IMPA2: variants seen among roughly 807,000 people sequenced by gnomAD.
IMPA2 encodes IMP 2.
IMPA2 carries 32 observed loss-of-function variants against 35.1 expected under a neutral mutation model. That is an observed-to-expected ratio of 0.91 (90% confidence interval 0.69 to 1.23). The LOEUF (loss-of-function observed/expected upper bound fraction) is 1.23. Ranked by LOEUF, IMPA2 falls within the 50% of genes most tolerant of loss-of-function variation. The pLI, the probability that IMPA2 is intolerant of heterozygous loss-of-function variation, is 0.00. For missense variants in IMPA2, 334 were observed against 387.6 expected, an observed-to-expected ratio of 0.86 and a Z score of 1.16; for synonymous variants, 135 against 160.6, an observed-to-expected ratio of 0.84 and a Z score of 1.20.
intron 1 of IMPA2, chr18:11,994,879 G>A (rs2143785147): frequency 6.5e-6 from 1 of 152,784 alleles, no homozygotes; most frequent in East Asian, 1.9e-4. Flanking sequence ...GTCACAGTTG[G>A]GTGAGTGCCC....
At chr18:12,008,779 C>T (rs920555850) in intron 2 of IMPA2, among the ~76,000 whole-genome samples, 4 of 152,172 alleles carry the variant, frequency 2.6e-5, no homozygotes, top group African/African-American at 9.7e-5. Flanking sequence ...CAGGAGTTCC[C>T]TTCTGTGCAG....
At chr18:11,981,802 G>A (rs1906507283) in intron 1 of IMPA2, 37 bp downstream of exon 1, 3 of 1,200,284 alleles carry the variant, frequency 2.5e-6, no homozygotes, top group Non-Finnish European at 3.1e-6. Context: ...TCCGGGCGGA[G>A]CAGAAGCGCG....
chr18:12,017,945 GT>G (rs35186161), intron 5 of IMPA2: 109,146 of 152,826 alleles, frequency 0.71, 39,232 homozygotes, highest in Non-Finnish European at 0.79. Flanking sequence ...TTTTTTTTCT[GT>G]TTTTTTTTTT....
chr18:12,012,183 G>C lies in IMPA2; in HGVS notation c.349G>C (p.Ala117Pro), dbSNP rs559771325. 1 of 1,614,216 alleles carries C rather than the reference G, an allele frequency of 6.2e-7. No individual in the cohort carries two copies. The highest frequency in any genetic ancestry group is 1.3e-5 in the African/African-American group (1 of 75,074). Residue 117 changes from alanine to proline, a missense_variant, in exon 4 of 8, where the codon GCG becomes CCG. Transcript: ENST00000269159. ...CNFVHRFPTVAVSIGFAVRQE... is the reference protein window; with the variant it reads ...CNFVHRFPTVPVSIGFAVRQE... ...TTTCCTTTGCAGATTCCCGACTGTG[G>C]CGGTTAGCATTGGATTTGCTGTTCG... is the stretch of plus-strand genomic sequence containing the variant.
At chr18:12,014,442 C>A in intron 5 of IMPA2, 69 bp downstream of exon 5, 1 of 956,850 alleles carries the variant, frequency 1.0e-6, no homozygotes, top group Non-Finnish European at 1.5e-6. Flanking sequence ...GCCAAAGCCA[C>A]CATGATGTGG....
chr18:11,997,238 C>A (rs549723724), intron 1 of IMPA2, among the ~76,000 whole-genome samples: 34 of 152,308 alleles, frequency 2.2e-4, no homozygotes, highest in African/African-American at 7.7e-4. Context: ...ACAGACAAGG[C>A]CTGTGGAGCT....
At position 12,030,508 on chromosome 18, in the gene IMPA2, C is replaced by T. The variant is rs755832138; in HGVS notation, c.*50C>T. On this transcript the variant is annotated 3_prime_UTR_variant, in exon 8 of 8. Transcript: ENST00000269159. ...CAAGGCCTCCCTGGGCTGCTGTGGG[C>T]TCCTGGGGAGGTGGCCCTCGTGGCC... The T allele has an allele frequency of 2.9e-5, 44 of 1,493,084 alleles. No individual in the cohort carries two copies. The highest frequency in any genetic ancestry group is 4.1e-5 in the Non-Finnish European group (44 of 1,071,310). The allele number at this position is 1,493,084 out of a possible 1,614,324, so 92.5% of individuals were successfully genotyped here.
chr18:12,017,802 G>T (rs1368685353), intron 5 of IMPA2: 9 of 337,398 alleles, frequency 2.7e-5, no homozygotes, highest in Non-Finnish European at 5.2e-5. Flanking sequence ...ATGTTGGCCA[G>T]GCTGGTCTCA....
chr18:12,012,517 G>A (rs16976957), intron 4 of IMPA2, among the ~76,000 whole-genome samples: 16,757 of 152,248 alleles, frequency 0.11, 1,453 homozygotes, highest in East Asian at 0.44. Flanking sequence ...CGGTCCAAGT[G>A]CATCTCCAGC....
chr18:12,030,404 G>C lies in IMPA2; in HGVS notation c.813G>C (p.Met271Ile), dbSNP rs1343700501. Residue 271 changes from methionine (M) to isoleucine (I), a missense_variant, in exon 8 of 8, where the codon ATG (methionine) becomes ATC (isoleucine). Transcript: ENST00000269159. ...VVAASTREMA[M>I]LIAQALQTIN... ...CGGCCAGCACCCGGGAGATGGCGAT[G>C]CTCATAGCTCAGGCCTTACAGACGA... 1 of 1,614,244 alleles carries C rather than the reference G, an allele frequency of 6.2e-7. No homozygotes were observed. The highest frequency in any genetic ancestry group is 8.5e-7 in the Non-Finnish European group (1 of 1,180,048).
intron 2 of IMPA2, among the ~76,000 whole-genome samples, chr18:12,006,993 T>TG (rs1276962346): frequency 3.9e-5 from 6 of 152,120 alleles, no homozygotes; most frequent in Non-Finnish European, 5.9e-5. Flanking sequence ...TAGCCAGGCG[T>TG]GTGGCGCACG....
intron 5 of IMPA2, among the ~76,000 whole-genome samples, chr18:12,023,732 T>C (rs1239618256): frequency 6.6e-6 from 1 of 152,176 alleles, no homozygotes; most frequent in Non-Finnish European, 1.5e-5. Flanking sequence ...CCAGGGTCAT[T>C]AACACTGGTG....
chr18:11,997,207 C>T (rs1489303108), intron 1 of IMPA2, among the ~76,000 whole-genome samples: 1 of 152,182 alleles, frequency 6.6e-6, no homozygotes, highest in East Asian at 1.9e-4. Context: ...ACGGGAGCCA[C>T]ATGTGAGGAG....
chr18:12,013,748 C>G (rs756548127), intron 4 of IMPA2, among the ~76,000 whole-genome samples: 50 of 152,178 alleles, frequency 3.3e-4, no homozygotes, highest in Non-Finnish European at 6.2e-4. Context: ...GGCCACTGTT[C>G]AGCGCACTGC....
intron 2 of IMPA2, among the ~76,000 whole-genome samples, chr18:11,999,481 A>T (rs1391199817): frequency 6.6e-6 from 1 of 152,212 alleles, no homozygotes; most frequent in African/African-American, 2.4e-5. Flanking sequence ...CCCTGTACTC[A>T]ACCATTTGTT....
At chr18:12,007,676 T>TTTC (rs1568032979) in intron 2 of IMPA2, among the ~76,000 whole-genome samples, 2 of 111,270 alleles carry the variant, frequency 1.8e-5, no homozygotes, top group Non-Finnish European at 3.8e-5. Context: ...TCTTTCTTTC[T>TTTC]TTCCTTTCTT....
chr18:11,998,456 G>A (rs948211203), intron 1 of IMPA2, among the ~76,000 whole-genome samples: 2 of 152,234 alleles, frequency 1.3e-5, no homozygotes, highest in Non-Finnish European at 2.9e-5. Context: ...CCAGCCCAGA[G>A]CGCAGTGAGA....
chr18:12,025,692 G>A (rs1907863079), intron 5 of IMPA2, among the ~76,000 whole-genome samples: 2 of 152,196 alleles, frequency 1.3e-5, no homozygotes, highest in Admixed American at 1.3e-4. Context: ...CGATTCTCCT[G>A]CCTCAGCCTC....
intron 7 of IMPA2, 83 bp downstream of exon 7, chr18:12,029,076 C>T (rs13381924): frequency 0.039 from 34,420 of 890,272 alleles, 2,869 homozygotes; most frequent in African/African-American, 0.3. Context: ...AAGTCCCCAC[C>T]AACTGAATTT....
Sources: gnomAD v4.1 joint callset for allele counts (sites outside exome capture counted in the v4.1 genomes callset) on GRCh38, gnomAD v4.1.1 for gene constraint, MANE v1.5 for transcripts, NCBI Gene and HGNC (gene_info 2026-07-23, HGNC 2026-07-21) for gene names.